PRSS12: variants seen among roughly 807,000 people sequenced by gnomAD.
PRSS12 encodes neurotrypsin.
Under a neutral mutation model 104.4 loss-of-function variants are expected in PRSS12, and 85 were observed. The observed-to-expected ratio is 0.81, with a 90% CI of 0.68 to 0.98. The LOEUF (loss-of-function observed/expected upper bound fraction) is 0.98. Among genes scored for constraint, PRSS12 ranks in the 50% least tolerant of loss-of-function variants. PRSS12 has a pLI of 0.00. For synonymous variants in PRSS12, 454 were observed against 425.2 expected (o/e 1.07, Z -0.83); for missense variants, 1,141 against 1,139.2 (o/e 1.00, Z -0.02).
At chr4:118,304,365 A>C (rs1743482247) in intron 8 of PRSS12, among the ~76,000 whole-genome samples, 1 of 152,004 alleles carries the variant, frequency 6.6e-6, no homozygotes, top group African/African-American at 2.4e-5. Flanking sequence ...GAATCAAATT[A>C]CTATATTTAT....
At chr4:118,318,341 G>T in intron 5 of PRSS12, 37 bp downstream of exon 5, 1 of 1,606,478 alleles carries the variant, frequency 6.2e-7, no homozygotes. Flanking sequence ...TGGTACTGGG[G>T]GCAAGAACTG....
chr4:118,352,880 G>A lies in PRSS12; in HGVS notation c.-160C>T, dbSNP rs1724563416. 12 of 1,417,710 alleles carry A rather than the reference G, an allele frequency of 8.5e-6. No homozygotes were observed. Among genetic ancestry groups the A allele is most frequent in the African/African-American group, 1.5e-5 (1 of 67,078 alleles). 87.8% of individuals were successfully genotyped at this position (1,417,710 alleles called of 1,614,324 possible). A position where few individuals can be genotyped will look rare whatever the true frequency, so the allele number is the denominator to read the frequency against. On this transcript the variant is annotated 5_prime_UTR_variant, in exon 1 of 13. Coordinates refer to ENST00000296498, the MANE Select transcript of PRSS12 (RefSeq NM_003619.4). ...CCTCGCCTCCCCAACCTTGCCTCCC[G>A]CCGCTGGTGCCCTGCCGCGCCTCGG...
intron 1 of PRSS12, among the ~76,000 whole-genome samples, chr4:118,350,532 AGT>A (rs1320261861): frequency 6.6e-6 from 1 of 152,112 alleles, no homozygotes. Flanking sequence ...TCCCATCTTG[AGT>A]GGTTTCTTTT....
Position 118,281,360 on chromosome 4 carries a change from A to G in PRSS12, c.*576T>C. Reference sequence around the variant, plus strand: ...AAATATCAGATCACTTTGAGAATATATTGTGACAGGCAGATGTCCTTGAGG... The same window carrying G: ...AAATATCAGATCACTTTGAGAATATGTTGTGACAGGCAGATGTCCTTGAGG... On this transcript the variant is annotated 3_prime_UTR_variant, in exon 13 of 13. Transcript: ENST00000296498. 6.3e-6 allele frequency: 1 copy of G among 158,182 alleles called. No homozygotes were observed. Among genetic ancestry groups the G allele is most frequent in the East Asian group, 1.8e-4 (1 of 5,474 alleles). 9.8% of individuals were successfully genotyped at this position (158,182 alleles called of 1,614,324 possible).
Position 118,331,836 on chromosome 4 carries a change from C to A in PRSS12, c.851G>T (p.Gly284Val). 6.2e-7 allele frequency: 1 copy of A among 1,614,086 alleles called. No homozygotes were observed. Among genetic ancestry groups the A allele is most frequent in the Non-Finnish European group, 8.5e-7 (1 of 1,180,030 alleles). Residue 284 changes from glycine to valine, a missense_variant, in exon 4 of 13, where the codon GGA (glycine) becomes GTA (valine). Gly to Val is a moderately radical substitution (Grantham distance 109). Transcript: ENST00000296498. ...GPTFPIIRLA[G>V]GSSVHEGRVE... Reference sequence around the variant, plus strand: ...CCGGCCTTCATGCACACTGCTGCCTCCAGCAAGGCGAATGATGGGGAACGT... The same window carrying A: ...CCGGCCTTCATGCACACTGCTGCCTACAGCAAGGCGAATGATGGGGAACGT...
At chr4:118,290,050 C>G (rs1417394731) in intron 11 of PRSS12, among the ~76,000 whole-genome samples, 1 of 152,124 alleles carries the variant, frequency 6.6e-6, no homozygotes, top group Non-Finnish European at 1.5e-5. Context: ...GGCAACTGAG[C>G]CACCACTTTC....
chr4:118,308,511 C>A lies in PRSS12; in HGVS notation c.1556G>T (p.Gly519Val). Residue 519 changes from glycine (G) to valine (V), a missense_variant, in exon 8 of 13, where the codon GGC becomes GTC. Physicochemically the swap from Gly to Val is moderately radical, Grantham distance 109. Transcript: ENST00000296498. ...KEGRVEVFIN[G>V]QWGTICDDGW... ...ATCATCACAGATTGTTCCCCACTGG[C>A]CATTGATAAAAACCTCCACTCGTCC... is the stretch of plus-strand genomic sequence containing the variant. 6.2e-7 allele frequency: 1 copy of A among 1,614,034 alleles called. No homozygotes were observed. The highest frequency in any genetic ancestry group is 8.5e-7 in the Non-Finnish European group (1 of 1,179,944).
intron 4 of PRSS12, 148 bp from the exon 5 acceptor site, chr4:118,318,704 T>C (rs1283333013): frequency 1.2e-6 from 1 of 864,566 alleles, no homozygotes; most frequent in Non-Finnish European, 1.8e-6. Context: ...TATTTCTTTT[T>C]TGTATATTTG....
rs908691980 is a variant in PRSS12, at chr4:118,328,233, C to T, written c.971+3483G>A. ...TAAAATCAAGTGCAAGAAAAGTAAA[C>T]GAAGAATGTCAGCTCAGAGCATCAG... On this transcript the variant is annotated intron_variant, in intron 4 of 12. Transcript: ENST00000296498. Among the ~76,000 whole-genome samples, 4 of 152,070 alleles carry T rather than the reference C, an allele frequency of 2.6e-5. No individual in the cohort carries two copies. In the South Asian group the frequency reaches 6.2e-4, roughly 24 times the overall value.
intron 8 of PRSS12, among the ~76,000 whole-genome samples, chr4:118,301,521 T>C (rs1052320204): frequency 4.6e-5 from 7 of 152,072 alleles, no homozygotes; most frequent in South Asian, 2.1e-4. Context: ...CCCCACCCCA[T>C]ATGCACACCA....
intron 3 of PRSS12, among the ~76,000 whole-genome samples, chr4:118,332,657 G>C (rs1364769559): frequency 6.6e-6 from 1 of 152,040 alleles, no homozygotes; most frequent in Non-Finnish European, 1.5e-5. Flanking sequence ...ACTCCTCTTG[G>C]CTAGAATGAG....
intron 7 of PRSS12, among the ~76,000 whole-genome samples, chr4:118,310,002 G>A (rs796366397): frequency 9.2e-5 from 14 of 152,222 alleles, no homozygotes; most frequent in African/African-American, 2.9e-4. Flanking sequence ...CGGAATCACA[G>A]AGCAAAATCA....
chr4:118,284,586 C>T (rs929287662), intron 11 of PRSS12, among the ~76,000 whole-genome samples: 4 of 152,172 alleles, frequency 2.6e-5, no homozygotes, highest in Non-Finnish European at 4.4e-5. Context: ...TCACACATAC[C>T]GTTATTTCTG....
At chr4:118,328,817 G>A (rs933520160) in intron 4 of PRSS12, among the ~76,000 whole-genome samples, 20 of 151,770 alleles carry the variant, frequency 1.3e-4, no homozygotes, top group African/African-American at 3.9e-4. Flanking sequence ...TTCTTGAAAC[G>A]GAGTCTTGCT....
chr4:118,315,482 T>C (rs1308361113), intron 6 of PRSS12, among the ~76,000 whole-genome samples: 1 of 152,162 alleles, frequency 6.6e-6, no homozygotes, highest in Non-Finnish European at 1.5e-5. Context: ...ATTTTGCCAG[T>C]TTTTTTAAGC....
chr4:118,296,527 A>G (rs1297831728), intron 9 of PRSS12, among the ~76,000 whole-genome samples: 1 of 152,228 alleles, frequency 6.6e-6, no homozygotes, highest in Non-Finnish European at 1.5e-5. Flanking sequence ...AGGTATGACT[A>G]ATTTTTAAAA....
intron 11 of PRSS12, among the ~76,000 whole-genome samples, chr4:118,294,328 C>T (rs1743201617): frequency 6.6e-6 from 1 of 152,016 alleles, no homozygotes; most frequent in African/African-American, 2.4e-5. Flanking sequence ...CCAAGGCCCA[C>T]AAAAAAGCAC....
At chr4:118,310,622 A>G (rs1271466487) in intron 7 of PRSS12, among the ~76,000 whole-genome samples, 1 of 152,212 alleles carries the variant, frequency 6.6e-6, no homozygotes, top group Non-Finnish European at 1.5e-5. Context: ...ATTGGTATAC[A>G]GTTATCTTTA....
At chr4:118,284,525 A>C (rs1560762648) in intron 11 of PRSS12, among the ~76,000 whole-genome samples, 1 of 152,216 alleles carries the variant, frequency 6.6e-6, no homozygotes, top group Non-Finnish European at 1.5e-5. Flanking sequence ...TACAATGTAA[A>C]ACCTAGACCT....
Sources: allele counts gnomAD v4.1 joint callset (sites outside exome capture counted in the v4.1 genomes callset), GRCh38; gene constraint gnomAD v4.1.1; transcripts MANE v1.5; gene names NCBI Gene and HGNC (gene_info 2026-07-23, HGNC 2026-07-21).